The following TEX11 variants were observed in gnomAD, a reference collection of about 807,000 sequenced individuals.
The protein encoded by TEX11 is testis expressed 11.
Under a neutral mutation model 84.4 loss-of-function variants are expected in TEX11, and 7 were observed. That is an observed-to-expected ratio of 0.08 (90% CI 0.05 to 0.16). The LOEUF is 0.16. Ranked by LOEUF, TEX11 falls within the 10% of genes least tolerant of loss-of-function variation. The pLI, the probability that TEX11 is intolerant of heterozygous loss-of-function variation, is 1.00. For missense variants in TEX11, 551 were observed against 660.5 expected (o/e 0.83, Z 1.82); for synonymous variants, 264 against 222.8 (o/e 1.18, Z -1.64).
At chrX:70,871,844 A>C (rs1602199920) in intron 4 of TEX11, among the ~76,000 whole-genome samples, 4 of 93,267 alleles carry the variant, frequency 4.3e-5, no homozygotes, top group Admixed American at 1.2e-4. Context: ...TTTTTTCTCC[A>C]CTTTCCCCAC....
chrX:70,564,751 T>A (rs6625632), intron 25 of TEX11, among the ~76,000 whole-genome samples: 4 of 106,821 alleles, frequency 3.7e-5, no homozygotes, highest in Non-Finnish European at 7.8e-5. Flanking sequence ...TTTTTATGGC[T>A]GCATAGTATT....
intron 28 of TEX11, among the ~76,000 whole-genome samples, chrX:70,545,826 C>G (rs150941411): frequency 2.1e-3 from 238 of 111,428 alleles, no homozygotes; most frequent in Non-Finnish European, 3.2e-3. Flanking sequence ...AGGAATTTTT[C>G]AGCTCCATTA....
chrX:70,885,528 A>G (rs1286848285), intron 2 of TEX11, among the ~76,000 whole-genome samples: 1 of 111,692 alleles, frequency 9.0e-6, no homozygotes, highest in African/African-American at 3.3e-5. Flanking sequence ...ATCATCAGGG[A>G]AATGCAAACT....
chrX:70,857,818 A>G (rs775199059), intron 5 of TEX11, among the ~76,000 whole-genome samples: 4 of 111,835 alleles, frequency 3.6e-5, no homozygotes, highest in Admixed American at 9.6e-5. Flanking sequence ...ATGCCCATCA[A>G]TCAACAAGTG....
chrX:70,711,862 C>T (rs2090438120), intron 13 of TEX11, among the ~76,000 whole-genome samples: 1 of 111,408 alleles, frequency 9.0e-6, no homozygotes, highest in Non-Finnish European at 1.9e-5. Flanking sequence ...GAAGTCCTTG[C>T]CCATGCCTAT....
intron 2 of TEX11, among the ~76,000 whole-genome samples, chrX:70,900,528 G>A (rs2091797767): frequency 9.1e-6 from 1 of 110,378 alleles, no homozygotes; most frequent in Admixed American, 9.8e-5. Context: ...GAAAAACTCC[G>A]AACAACCTAA....
rs762500093 is a variant in TEX11 at position 70,712,937 on chromosome X, T to C, written c.1004+9681A>G. On this transcript the variant is annotated intron_variant, in intron 13 of 29. Coordinates refer to ENST00000374333, the MANE Select transcript of TEX11 (RefSeq NM_031276.3). Reference sequence around the variant, plus strand: ...ATATAGGCTGTGGGTTTGTCATAGATAGCTCTTATTATTTTGAGATACATC... The same window carrying C: ...ATATAGGCTGTGGGTTTGTCATAGACAGCTCTTATTATTTTGAGATACATC... Among the ~76,000 whole-genome samples the C allele has an allele frequency of 2.0e-3, 226 of 111,611 alleles. 1 individual carries two copies. The highest frequency in any genetic ancestry group is 7.3e-3 in the African/African-American group (223 of 30,717).
At chrX:70,639,662 G>A (rs2089625808) in intron 17 of TEX11, among the ~76,000 whole-genome samples, 1 of 111,478 alleles carries the variant, frequency 9.0e-6, no homozygotes, top group Non-Finnish European at 1.9e-5. Flanking sequence ...GGGGCAGACT[G>A]ACACCTCACA....
chrX:70,706,763 T>C (rs1174516842), intron 13 of TEX11, among the ~76,000 whole-genome samples: 1 of 111,164 alleles, frequency 9.0e-6, no homozygotes, highest in African/African-American at 3.3e-5. Flanking sequence ...CGTGAAAGAA[T>C]GAATTTCCAC....
chrX:70,591,599 A>C, intron 25 of TEX11, 152 bp downstream of exon 25: 1 of 439,796 alleles, frequency 2.3e-6, no homozygotes, highest in Non-Finnish European at 3.9e-6. Context: ...TGAGACCCTG[A>C]CTCGAAAAAA....
At chrX:70,535,026 T>C (rs2087938341) in intron 28 of TEX11, among the ~76,000 whole-genome samples, 1 of 111,420 alleles carries the variant, frequency 9.0e-6, no homozygotes, top group South Asian at 3.8e-4. Flanking sequence ...CTGTCTCTTA[T>C]AGATTGGCCT....
intron 1 of TEX11, 23 bp downstream of exon 1, chrX:70,908,631 T>C (rs2091847503): frequency 8.9e-6 from 1 of 112,010 alleles, no homozygotes; most frequent in South Asian, 3.7e-4. Flanking sequence ...ATTCTACCCC[T>C]TCCTGCCCAC....
At chrX:70,638,861 A>G (rs1296081892) in intron 17 of TEX11, among the ~76,000 whole-genome samples, 1 of 110,162 alleles carries the variant, frequency 9.1e-6, no homozygotes, top group East Asian at 2.9e-4. Flanking sequence ...AAAAAAAGAT[A>G]AGGCTCAAAT....
chrX:70,812,985 C>G (rs913474146), intron 8 of TEX11, among the ~76,000 whole-genome samples: 8 of 111,152 alleles, frequency 7.2e-5, no homozygotes, highest in African/African-American at 2.3e-4. Context: ...AGTCCAGGAC[C>G]AGACGGAGTC....
chrX:70,745,472 C>T (rs1279865274), intron 9 of TEX11, among the ~76,000 whole-genome samples: 1 of 110,239 alleles, frequency 9.1e-6, no homozygotes, highest in Non-Finnish European at 1.9e-5. Flanking sequence ...CAGTGGCTCA[C>T]ACCTGTAATT....
chrX:70,833,386 G>C, intron 8 of TEX11, 127 bp downstream of exon 8: 1 of 499,813 alleles, frequency 2.0e-6, no homozygotes, highest in Middle Eastern at 3.4e-4. Context: ...ATATTTCAAA[G>C]ATCAGCTACT....
intron 5 of TEX11, among the ~76,000 whole-genome samples, chrX:70,856,114 A>G (rs187892385): frequency 8.9e-6 from 1 of 112,164 alleles, no homozygotes; most frequent in African/African-American, 3.2e-5. Flanking sequence ...AATTCATTGC[A>G]GCATCCAAAT....
intron 25 of TEX11, among the ~76,000 whole-genome samples, chrX:70,584,028 C>T (rs7887400): frequency 0.2 from 21,965 of 109,851 alleles, 1,801 homozygotes; most frequent in African/African-American, 0.23. Flanking sequence ...GCCTGTAATC[C>T]CAGCACTTTG....
chrX:70,699,095 C>A (rs902388999), intron 13 of TEX11, among the ~76,000 whole-genome samples: 2 of 111,388 alleles, frequency 1.8e-5, no homozygotes, highest in African/African-American at 6.5e-5. Flanking sequence ...AGTCCAACTA[C>A]CCTGAGGATG....
Sources: gnomAD v4.1 joint callset for allele counts (sites outside exome capture counted in the v4.1 genomes callset) on GRCh38, gnomAD v4.1.1 for gene constraint, MANE v1.5 for transcripts, NCBI Gene and HGNC (gene_info 2026-07-23, HGNC 2026-07-21) for gene names.